Variants in ANO4 observed in about 807,000 individuals in gnomAD.
The protein encoded by ANO4 is anoctamin-4.
Under a neutral mutation model 141.9 loss-of-function variants are expected in ANO4, and 69 were observed. That is an observed-to-expected ratio of 0.49 (90% CI 0.40 to 0.59). The LOEUF (loss-of-function observed/expected upper bound fraction) is 0.59, where lower values mean the gene tolerates loss of function less well. ANO4 is among the 20% of genes least tolerant of loss of function. The pLI is 0.00. For synonymous variants in ANO4, 350 were observed against 394.3 expected (o/e 0.89, Z 1.33); for missense variants, 894 against 1,162.2 (o/e 0.77, Z 3.36).
chr12:100,922,145 G>T, intron 2 of ANO4, 81 bp from the exon 3 acceptor site: 3 of 966,462 alleles, frequency 3.1e-6, no homozygotes, highest in Admixed American at 3.5e-5. Flanking sequence ...TTTGGATTTT[G>T]ACATAGCTTC....
chr12:100,799,045 C>T (rs1471307338), intron 1 of ANO4, among the ~76,000 whole-genome samples: 1 of 152,168 alleles, frequency 6.6e-6, no homozygotes, highest in Non-Finnish European at 1.5e-5. Flanking sequence ...TCAGAGACCA[C>T]AGCCAGTCAC....
chr12:100,799,745 A>C (rs889899681), intron 1 of ANO4, among the ~76,000 whole-genome samples: 1 of 152,200 alleles, frequency 6.6e-6, no homozygotes, highest in African/African-American at 2.4e-5. Flanking sequence ...GTCTCAAAAA[A>C]AACCAAAAGG....
At chr12:101,126,148 T>C (rs1189524598) in intron 26 of ANO4, among the ~76,000 whole-genome samples, 4 of 152,198 alleles carry the variant, frequency 2.6e-5, no homozygotes, top group Non-Finnish European at 5.9e-5. Context: ...CATCCATGCA[T>C]CACCAAATTT....
chr12:100,791,978 C>T (rs1184826251), upstream of ANO4, among the ~76,000 whole-genome samples: 1 of 151,926 alleles, frequency 6.6e-6, no homozygotes, highest in Non-Finnish European at 1.5e-5. Context: ...TTTTCAAAAC[C>T]ATTAATTGGC....
chr12:100,807,789 A>C (rs2035151867), intron 1 of ANO4, among the ~76,000 whole-genome samples: 1 of 152,220 alleles, frequency 6.6e-6, no homozygotes, highest in Non-Finnish European at 1.5e-5. Context: ...CCCACTTATA[A>C]GTGAGAACAC....
chr12:101,096,967 C>T (rs1230907201), intron 19 of ANO4, among the ~76,000 whole-genome samples: 2 of 152,154 alleles, frequency 1.3e-5, no homozygotes, highest in African/African-American at 2.4e-5. Context: ...CCTATGACGG[C>T]AGGTGGTACA....
chr12:100,952,038 A>G (rs555775460), intron 5 of ANO4, among the ~76,000 whole-genome samples: 1 of 151,726 alleles, frequency 6.6e-6, no homozygotes, highest in Non-Finnish European at 1.5e-5. Flanking sequence ...CCTGGGTTTG[A>G]CCCTTGATCC....
At chr12:101,051,398 G>A (rs972249715) in intron 14 of ANO4, among the ~76,000 whole-genome samples, 1 of 152,126 alleles carries the variant, frequency 6.6e-6, no homozygotes, top group Non-Finnish European at 1.5e-5. Context: ...GGCAAGACAT[G>A]CCTGGAATAA....
chr12:100,890,545 A>G (rs1177639306), intron 1 of ANO4, among the ~76,000 whole-genome samples: 1 of 152,188 alleles, frequency 6.6e-6, no homozygotes, highest in Non-Finnish European at 1.5e-5. Context: ...TTGTCAAATG[A>G]TCTGATTGCG....
At chr12:100,977,357 G>A (rs1298075235) in intron 7 of ANO4, among the ~76,000 whole-genome samples, 1 of 151,928 alleles carries the variant, frequency 6.6e-6, no homozygotes, top group African/African-American at 2.4e-5. Context: ...TCTCTATACA[G>A]GCATTGGCTC....
At chr12:100,728,487 A>C (rs142128505) in intron 1 of ANO4, among the ~76,000 whole-genome samples, 8 of 152,170 alleles carry the variant, frequency 5.3e-5, no homozygotes, top group African/African-American at 1.9e-4. Context: ...CTCTGCTCTC[A>C]ATTGCTTTTC....
chr12:100,944,374 T>TA (rs71437002), intron 5 of ANO4, among the ~76,000 whole-genome samples: 38,315 of 151,154 alleles, frequency 0.25, 5,976 homozygotes, highest in Middle Eastern at 0.43. Flanking sequence ...TGTTGGAATT[T>TA]AAAAAAAAAA....
intron 13 of ANO4, among the ~76,000 whole-genome samples, chr12:101,044,316 T>C (rs973405847): frequency 1.2e-4 from 18 of 152,288 alleles, no homozygotes; most frequent in East Asian, 3.9e-4. Flanking sequence ...GAAAGTGCTA[T>C]GAGAAAAAAA....
intron 3 of ANO4, among the ~76,000 whole-genome samples, chr12:100,759,044 G>T (rs1405895545): frequency 2.6e-5 from 4 of 152,000 alleles, no homozygotes; most frequent in Non-Finnish European, 4.4e-5. Context: ...ACTTTCTGAG[G>T]GTCCAGATGG....
chr12:101,046,699 C>G (rs898162532), intron 13 of ANO4, among the ~76,000 whole-genome samples: 2 of 152,080 alleles, frequency 1.3e-5, no homozygotes, highest in African/African-American at 4.8e-5. Flanking sequence ...ATAACCTTAC[C>G]CCTCCTCATT....
At chr12:100,827,757 G>A (rs2036432112) in intron 1 of ANO4, among the ~76,000 whole-genome samples, 1 of 151,934 alleles carries the variant, frequency 6.6e-6, no homozygotes, top group Admixed American at 6.6e-5. Context: ...TCTGTATTTG[G>A]AGGTGCTAAA....
chr12:100,760,913 C>T (rs956221211), intron 3 of ANO4, among the ~76,000 whole-genome samples: 4 of 152,146 alleles, frequency 2.6e-5, no homozygotes, highest in Admixed American at 6.5e-5. Context: ...ATGGTCCTTT[C>T]TGGGTAAAGA....
intron 1 of ANO4, among the ~76,000 whole-genome samples, chr12:100,806,692 C>G (rs1028008183): frequency 5.2e-4 from 79 of 151,098 alleles, no homozygotes; most frequent in African/African-American, 1.9e-3. Flanking sequence ...TTACAGGTGC[C>G]CACCACCATG....
chr12:100,761,583 G>A (rs2032859427), intron 3 of ANO4, among the ~76,000 whole-genome samples: 1 of 152,100 alleles, frequency 6.6e-6, no homozygotes, highest in Non-Finnish European at 1.5e-5. Context: ...TAGCACCCAG[G>A]GATTTTATTG....
Sources: allele counts gnomAD v4.1 joint callset (sites outside exome capture counted in the v4.1 genomes callset), GRCh38; gene constraint gnomAD v4.1.1; transcripts MANE v1.5; gene names NCBI Gene and HGNC (gene_info 2026-07-23, HGNC 2026-07-21).